AUTS2: variants seen among roughly 807,000 people sequenced by gnomAD.
AUTS2 encodes the protein activator of transcription and developmental regulator AUTS2, also known as autism susceptibility gene 2 protein.
AUTS2 carries 17 observed loss-of-function variants against 112.4 expected under a neutral mutation model. That is an observed-to-expected ratio of 0.15 (90% CI 0.10 to 0.23). The LOEUF (loss-of-function observed/expected upper bound fraction) is 0.23. Ranked by LOEUF, AUTS2 falls within the 10% of genes least tolerant of loss-of-function variation. The pLI is 1.00. For missense variants in AUTS2, 1,510 were observed against 1,701.6 expected, an observed-to-expected ratio of 0.89 and a Z score of 1.98; for synonymous variants, 751 against 702.7, an observed-to-expected ratio of 1.07 and a Z score of -1.09.
At chr7:70,357,704 T>C (rs1792075496) in intron 4 of AUTS2, among the ~76,000 whole-genome samples, 2 of 152,214 alleles carry the variant, frequency 1.3e-5, no homozygotes, top group African/African-American at 4.8e-5. Context: ...CATTATGAAG[T>C]AAGCTTGACG....
chr7:70,454,076 G>C (rs145874334), intron 5 of AUTS2, among the ~76,000 whole-genome samples: 74 of 152,256 alleles, frequency 4.9e-4, no homozygotes, highest in African/African-American at 1.7e-3. Flanking sequence ...GCTGTCTTCT[G>C]TTAGCAAGAA....
chr7:70,516,995 G>C (rs1386193678), intron 5 of AUTS2, among the ~76,000 whole-genome samples: 1 of 152,132 alleles, frequency 6.6e-6, no homozygotes, highest in Non-Finnish European at 1.5e-5. Context: ...GAGATAATTA[G>C]GTGCAATTTT....
chr7:69,759,681 T>C (rs1481278946), intron 1 of AUTS2, among the ~76,000 whole-genome samples: 1 of 150,934 alleles, frequency 6.6e-6, no homozygotes, highest in Non-Finnish European at 1.5e-5. Flanking sequence ...TTCTTTTGAG[T>C]GATACTCTTC....
At chr7:69,812,924 CAG>C (rs1790605448) in intron 1 of AUTS2, among the ~76,000 whole-genome samples, 2 of 152,180 alleles carry the variant, frequency 1.3e-5, no homozygotes, top group African/African-American at 4.8e-5. Flanking sequence ...TGCCTCCCTG[CAG>C]AGTGTTCTTC....
At chr7:69,829,444 G>A (rs1562912202) in intron 1 of AUTS2, among the ~76,000 whole-genome samples, 1 of 152,088 alleles carries the variant, frequency 6.6e-6, no homozygotes, top group African/African-American at 2.4e-5. Flanking sequence ...ACTATCATCA[G>A]AGTGAACAGG....
chr7:70,420,943 C>T (rs570013561), intron 4 of AUTS2, among the ~76,000 whole-genome samples: 1 of 151,968 alleles, frequency 6.6e-6, no homozygotes, highest in African/African-American at 2.4e-5. Context: ...AATAAAGCCA[C>T]AAAAAAATAG....
chr7:70,691,138 A>G (rs112223773), intron 5 of AUTS2, among the ~76,000 whole-genome samples: 1,920 of 152,310 alleles, frequency 0.013, 34 homozygotes, highest in African/African-American at 0.044. Context: ...AAACTTGGCT[A>G]AGATCTTTGG....
At chr7:70,214,505 C>A (rs1330651851) in intron 4 of AUTS2, among the ~76,000 whole-genome samples, 1 of 152,208 alleles carries the variant, frequency 6.6e-6, no homozygotes, top group Non-Finnish European at 1.5e-5. Flanking sequence ...CAGTCACACA[C>A]ATACAGATGC....
chr7:70,221,630 T>C (rs888270384), intron 4 of AUTS2, among the ~76,000 whole-genome samples: 7 of 152,238 alleles, frequency 4.6e-5, no homozygotes, highest in African/African-American at 1.7e-4. Context: ...CTCACGCCTG[T>C]ATTCCCAGTA....
intron 4 of AUTS2, among the ~76,000 whole-genome samples, chr7:70,313,211 G>T (rs1391563823): frequency 6.6e-6 from 1 of 152,152 alleles, no homozygotes; most frequent in Non-Finnish European, 1.5e-5. Flanking sequence ...AGACTTGATG[G>T]CAGTTTGACG....
At chr7:70,487,436 G>A (rs986105056) in intron 5 of AUTS2, among the ~76,000 whole-genome samples, 6 of 152,194 alleles carry the variant, frequency 3.9e-5, no homozygotes, top group Admixed American at 2.6e-4. Flanking sequence ...CTTTGGTAGC[G>A]TGATAGCTCA....
intron 1 of AUTS2, among the ~76,000 whole-genome samples, chr7:69,846,439 A>G (rs1411872167): frequency 6.6e-6 from 1 of 152,152 alleles, no homozygotes; most frequent in Non-Finnish European, 1.5e-5. Flanking sequence ...TTTCTTTAAT[A>G]TATGCCTGGC....
intron 1 of AUTS2, among the ~76,000 whole-genome samples, chr7:69,719,149 T>G (rs1286461769): frequency 6.6e-6 from 1 of 152,236 alleles, no homozygotes; most frequent in Non-Finnish European, 1.5e-5. Flanking sequence ...GGGGAAAATA[T>G]TTCTCTTTGT....
chr7:70,475,274 C>T (rs1257786459), intron 5 of AUTS2, among the ~76,000 whole-genome samples: 1 of 152,176 alleles, frequency 6.6e-6, no homozygotes, highest in African/African-American at 2.4e-5. Flanking sequence ...AAGATCTTTG[C>T]GTGAAATTGA....
At chr7:69,625,707 A>C (rs1793912878) in intron 1 of AUTS2, among the ~76,000 whole-genome samples, 1 of 151,910 alleles carries the variant, frequency 6.6e-6, no homozygotes, top group Non-Finnish European at 1.5e-5. Context: ...AAAATTTAAA[A>C]ATTAGCTGGA....
At chr7:69,837,611 G>T (rs1328478104) in intron 1 of AUTS2, among the ~76,000 whole-genome samples, 1 of 152,090 alleles carries the variant, frequency 6.6e-6, no homozygotes, top group Non-Finnish European at 1.5e-5. Context: ...GAAAATGGGG[G>T]CTTGCTATTC....
intron 5 of AUTS2, among the ~76,000 whole-genome samples, chr7:70,656,119 G>T (rs989743195): frequency 6.6e-6 from 1 of 151,938 alleles, no homozygotes. Flanking sequence ...TTCCAGAGGT[G>T]CTCTGTACCT....
chr7:70,660,657 G>T (rs964105142), intron 5 of AUTS2, among the ~76,000 whole-genome samples: 1 of 152,170 alleles, frequency 6.6e-6, no homozygotes, highest in Non-Finnish European at 1.5e-5. Context: ...GAGACAGGCC[G>T]CAGGCTACAT....
rs548890978 is a variant in AUTS2 at position 70,412,704 on chromosome 7, A to G, written c.661-23048A>G. Reference sequence around the variant, plus strand: ...TTTTATGTATACTTATTAAAATAATATAATTTGGCTGGGCGCAGTGGATCA... The same window carrying G: ...TTTTATGTATACTTATTAAAATAATGTAATTTGGCTGGGCGCAGTGGATCA... On this transcript the variant is annotated intron_variant, in intron 4 of 18. Transcript: ENST00000342771. Among the ~76,000 whole-genome samples, 9 of 152,360 alleles carry G rather than the reference A, an allele frequency of 5.9e-5. No individual in the cohort carries two copies. The South Asian group carries it at 1.5e-3, about 25-fold the overall frequency.
Sources: allele counts gnomAD v4.1 joint callset (sites outside exome capture counted in the v4.1 genomes callset), GRCh38; gene constraint gnomAD v4.1.1; transcripts MANE v1.5; gene names NCBI Gene and HGNC (gene_info 2026-07-23, HGNC 2026-07-21).